Variants in ACOT7 observed in about 807,000 individuals in gnomAD.
ACOT7 encodes the protein acyl-CoA thioesterase 7.
ACOT7 carries 12 observed loss-of-function variants against 40.2 expected under a neutral mutation model. The ratio of observed to expected loss-of-function variants is 0.30; its 90% CI spans 0.19 to 0.48. The LOEUF is 0.48. Ranked by LOEUF, ACOT7 falls within the 20% of genes least tolerant of loss-of-function variation. The pLI is 0.99. For synonymous variants in ACOT7, 228 were observed against 219.5 expected (o/e 1.04, Z -0.34); for missense variants, 395 against 530.8 (o/e 0.74, Z 2.51).
At chr1:6,323,731 A>ATATAT (rs1419198369) in intron 5 of ACOT7, among the ~76,000 whole-genome samples, 8 of 90,148 alleles carry the variant, frequency 8.9e-5, no homozygotes, top group African/African-American at 1.1e-4. Flanking sequence ...AAAAAAAAAA[A>ATATAT]AAAAAAATAT....
At chr1:6,300,623 T>C (rs1408859211) in intron 6 of ACOT7, among the ~76,000 whole-genome samples, 1 of 132,028 alleles carries the variant, frequency 7.6e-6, no homozygotes, top group Non-Finnish European at 1.6e-5. Flanking sequence ...CACCCGATCC[T>C]GACGCGTGGC....
chr1:6,272,695 C>T (rs1328736603), intron 8 of ACOT7, among the ~76,000 whole-genome samples: 2 of 152,198 alleles, frequency 1.3e-5, no homozygotes, highest in African/African-American at 2.4e-5. Context: ...GCCAAGTGGG[C>T]GGCCTCCAGC....
intron 3 of ACOT7, among the ~76,000 whole-genome samples, chr1:6,336,327 C>G (rs1017139967): frequency 1.1e-5 from 1 of 91,642 alleles, no homozygotes; most frequent in East Asian, 2.6e-4. Flanking sequence ...GAGCAAGACT[C>G]GGTCTCAAAA....
chr1:6,383,032 C>T (rs115826833), intron 1 of ACOT7, among the ~76,000 whole-genome samples: 1,516 of 147,530 alleles, frequency 0.01, 31 homozygotes, highest in African/African-American at 0.037. Flanking sequence ...GCGTGGGCTA[C>T]CACGCCCAGC....
chr1:6,391,941 CTT>C (rs797015712), intron 1 of ACOT7, among the ~76,000 whole-genome samples: 4 of 144,818 alleles, frequency 2.8e-5, no homozygotes, highest in Admixed American at 1.4e-4. Context: ...CAGTTATTTC[CTT>C]TTTTTTTTTT....
chr1:6,378,900 T>TG (rs1330889423), intron 1 of ACOT7, among the ~76,000 whole-genome samples: 1 of 148,278 alleles, frequency 6.7e-6, no homozygotes, highest in East Asian at 2.0e-4. Context: ...GCTCAAGGAC[T>TG]TTTTTTTTTC....
At chr1:6,325,126 C>T (rs1039755757) in intron 5 of ACOT7, among the ~76,000 whole-genome samples, 8 of 152,236 alleles carry the variant, frequency 5.3e-5, no homozygotes, top group African/African-American at 1.7e-4. Context: ...CAGCCGGGCG[C>T]AGTGGCTCAC....
chr1:6,360,767 G>A (rs551465301), intron 1 of ACOT7: 12 of 1,536,718 alleles, frequency 7.8e-6, no homozygotes, highest in African/African-American at 2.7e-5. Context: ...CCCTCCAGGC[G>A]GGCATTGCTG....
intron 2 of ACOT7, among the ~76,000 whole-genome samples, chr1:6,341,706 C>G (rs34988316): frequency 6.6e-6 from 1 of 152,216 alleles, no homozygotes; most frequent in East Asian, 1.9e-4. Flanking sequence ...CGCACCACTG[C>G]GCTCCAGCCT....
chr1:6,275,031 G>A lies in ACOT7; in HGVS notation c.1014+6071C>T, dbSNP rs2148370661. Among the ~76,000 whole-genome samples the A allele has an allele frequency of 6.6e-6, 1 of 152,330 alleles. No individual in the cohort carries two copies. The highest frequency in any genetic ancestry group is 2.1e-4 in the South Asian group (1 of 4,828). On this transcript the variant is annotated intron_variant, in intron 8 of 8. Coordinates refer to ENST00000361521, the MANE Select transcript of ACOT7 (RefSeq NM_007274.4). The surrounding 1 kb of genome is among the most constrained non-coding windows in gnomAD (Gnocchi z 5.6). ...GCTGGCCGTGCGACCCCTGGCGAGTGACTCCCTGCCTGGTGCCCGCCTCCT... is the reference window on the plus strand; with the variant it reads ...GCTGGCCGTGCGACCCCTGGCGAGTAACTCCCTGCCTGGTGCCCGCCTCCT...
At chr1:6,295,129 C>A in intron 6 of ACOT7, 149 bp from the exon 7 acceptor site, 1 of 461,584 alleles carries the variant, frequency 2.2e-6, no homozygotes, top group Non-Finnish European at 4.0e-6. Flanking sequence ...CTCGGCCGCA[C>A]GTGCTGTGGC....
intron 8 of ACOT7, among the ~76,000 whole-genome samples, chr1:6,271,970 G>A (rs567143600): frequency 2.1e-4 from 32 of 152,386 alleles, no homozygotes; most frequent in African/African-American, 6.7e-4. Context: ...CTGCAGGCAC[G>A]GAGTGCCGTG....
At chr1:6,360,371 G>A (rs560346290) in intron 1 of ACOT7, among the ~76,000 whole-genome samples, 4 of 152,306 alleles carry the variant, frequency 2.6e-5, no homozygotes, top group Admixed American at 6.5e-5. Flanking sequence ...GCAGCCTGCC[G>A]GGGCCCAGGC....
intron 7 of ACOT7, among the ~76,000 whole-genome samples, chr1:6,291,924 C>T (rs1048224988): frequency 3.3e-5 from 5 of 152,168 alleles, no homozygotes; most frequent in South Asian, 2.1e-4. Flanking sequence ...TGGGAGGCAG[C>T]GAGCTGATCT....
intron 5 of ACOT7, among the ~76,000 whole-genome samples, chr1:6,323,653 G>A (rs1481587301): frequency 6.8e-6 from 1 of 147,558 alleles, no homozygotes; most frequent in African/African-American, 2.5e-5. Flanking sequence ...AGGAGGTGGA[G>A]GTTGCAGTGA....
intron 1 of ACOT7, among the ~76,000 whole-genome samples, chr1:6,391,168 C>A (rs999610854): frequency 2.0e-5 from 3 of 151,528 alleles, no homozygotes; most frequent in African/African-American, 7.3e-5. Flanking sequence ...TGGTGGCGCA[C>A]GCCTGTAGTC....
chr1:6,321,223 C>G (rs2148423966), intron 5 of ACOT7, among the ~76,000 whole-genome samples: 1 of 152,334 alleles, frequency 6.6e-6, no homozygotes, highest in Non-Finnish European at 1.5e-5. Flanking sequence ...CCACGGCCCA[C>G]CTCCTGCTTG....
chr1:6,372,933 C>T (rs1642159265), intron 1 of ACOT7, among the ~76,000 whole-genome samples: 2 of 152,088 alleles, frequency 1.3e-5, no homozygotes, highest in Admixed American at 1.3e-4. Flanking sequence ...GGTCTAATTT[C>T]AAAATTGTTG....
intron 6 of ACOT7, among the ~76,000 whole-genome samples, chr1:6,310,682 G>A (rs1212663843): frequency 6.6e-6 from 1 of 152,234 alleles, no homozygotes; most frequent in Admixed American, 6.5e-5. Context: ...CAGCCCTGCT[G>A]CAGCAAAACC....
Sources: allele counts gnomAD v4.1 joint callset (sites outside exome capture counted in the v4.1 genomes callset), GRCh38; gene constraint gnomAD v4.1.1; non-coding constraint Gnocchi (gnomAD v3.1); transcripts MANE v1.5; gene names NCBI Gene and HGNC (gene_info 2026-07-23, HGNC 2026-07-21).